RGS7: variants seen among roughly 807,000 people sequenced by gnomAD.
RGS7 encodes regulator of G protein signaling 7, also known as regulator of G-protein signaling 7.
Under a neutral mutation model 81.1 loss-of-function variants are expected in RGS7, and 27 were observed. That is an observed-to-expected ratio of 0.33 (90% CI 0.25 to 0.46). RGS7 has a LOEUF of 0.46. Ranked by LOEUF, RGS7 falls within the 20% of genes least tolerant of loss-of-function variation. The probability of loss-of-function intolerance (pLI) is 1.00; values close to 1 mark genes in which losing one functional copy is unlikely to be tolerated. For missense variants in RGS7, 396 were observed against 607.4 expected (o/e 0.65, Z 3.66); for synonymous variants, 208 against 207.7 (o/e 1.00, Z -0.01).
At chr1:241,268,621 A>G (rs2077717522) in intron 2 of RGS7, among the ~76,000 whole-genome samples, 4 of 152,198 alleles carry the variant, frequency 2.6e-5, no homozygotes, top group Admixed American at 2.0e-4. Context: ...TACGAGAGGG[A>G]AAGTGGGGAT....
chr1:240,930,626 T>C (rs1363123675), intron 6 of RGS7, 91 bp downstream of exon 6: 3 of 1,237,690 alleles, frequency 2.4e-6, no homozygotes, highest in Non-Finnish European at 3.6e-6. Flanking sequence ...TGTGGTTTCC[T>C]TTTCTTAATG....
chr1:241,307,889 T>G (rs2080273764), intron 2 of RGS7, among the ~76,000 whole-genome samples: 2 of 152,184 alleles, frequency 1.3e-5, no homozygotes, highest in African/African-American at 4.8e-5. Flanking sequence ...CAAAGTCACA[T>G]CGCCTCAGGG....
intron 6 of RGS7, among the ~76,000 whole-genome samples, chr1:240,930,108 C>T (rs1675150903): frequency 6.6e-6 from 1 of 152,048 alleles, no homozygotes; most frequent in Admixed American, 6.6e-5. Flanking sequence ...AAGATGAATA[C>T]TTACTAGGGG....
chr1:240,968,276 C>G (rs918512618), intron 4 of RGS7, among the ~76,000 whole-genome samples: 1 of 152,218 alleles, frequency 6.6e-6, no homozygotes, highest in Non-Finnish European at 1.5e-5. Flanking sequence ...CCTCTTCCTA[C>G]GGGCATTCAG....
chr1:240,889,047 C>T (rs899253067), intron 6 of RGS7, among the ~76,000 whole-genome samples: 19 of 152,152 alleles, frequency 1.2e-4, no homozygotes, highest in African/African-American at 4.6e-4. Flanking sequence ...CCTCCACCTC[C>T]CGGGTTCAAG....
intron 2 of RGS7, among the ~76,000 whole-genome samples, chr1:241,226,647 G>C (rs1198098957): frequency 1.3e-5 from 2 of 152,124 alleles, no homozygotes; most frequent in Non-Finnish European, 2.9e-5. Context: ...GTTAGAAGAA[G>C]AAATAGTACT....
At chr1:240,830,646 A>G (rs969908874) in intron 9 of RGS7, among the ~76,000 whole-genome samples, 4 of 152,340 alleles carry the variant, frequency 2.6e-5, no homozygotes, top group African/African-American at 9.6e-5. Context: ...CCTACCCTTC[A>G]AATAGGTTTC....
chr1:241,073,058 C>A (rs929623609), intron 3 of RGS7, among the ~76,000 whole-genome samples: 2 of 152,258 alleles, frequency 1.3e-5, no homozygotes, highest in Non-Finnish European at 1.5e-5. Context: ...GTGCTGAGTT[C>A]CATGGGGCAA....
At chr1:240,923,898 G>T (rs980466262) in intron 6 of RGS7, among the ~76,000 whole-genome samples, 1 of 152,098 alleles carries the variant, frequency 6.6e-6, no homozygotes, top group African/African-American at 2.4e-5. Flanking sequence ...GGATTATGCA[G>T]ATATTTAAGG....
At chr1:240,945,255 G>A (rs1465978661) in intron 4 of RGS7, among the ~76,000 whole-genome samples, 4 of 152,158 alleles carry the variant, frequency 2.6e-5, no homozygotes, top group Admixed American at 6.5e-5. Context: ...AGCCCAATAC[G>A]AAATATAAAA....
At chr1:240,896,501 T>C (rs1669116683) in intron 6 of RGS7, among the ~76,000 whole-genome samples, 3 of 152,248 alleles carry the variant, frequency 2.0e-5, no homozygotes, top group Admixed American at 6.5e-5. Flanking sequence ...TTTCTACCTA[T>C]GGCTAGCCAG....
intron 6 of RGS7, among the ~76,000 whole-genome samples, chr1:240,875,492 G>T (rs1040131778): frequency 6.6e-6 from 1 of 152,116 alleles, no homozygotes; most frequent in East Asian, 1.9e-4. Context: ...TGTAATGAAC[G>T]TGGAAGTTCA....
At chr1:241,077,441 G>A (rs1261829752) in intron 3 of RGS7, among the ~76,000 whole-genome samples, 1 of 152,174 alleles carries the variant, frequency 6.6e-6, no homozygotes, top group African/African-American at 2.4e-5. Flanking sequence ...GCATACTACT[G>A]TGGAATTCTG....
chr1:241,202,948 T>C (rs753025558), intron 2 of RGS7, among the ~76,000 whole-genome samples: 5 of 152,108 alleles, frequency 3.3e-5, no homozygotes, highest in Non-Finnish European at 7.4e-5. Flanking sequence ...GAGTCCCTCA[T>C]ATTGGGATAT....
chr1:241,129,966 G>C (rs151122237), intron 2 of RGS7, among the ~76,000 whole-genome samples: 1 of 152,162 alleles, frequency 6.6e-6, no homozygotes, highest in African/African-American at 2.4e-5. Context: ...ATGTAACTGA[G>C]TGTCTTCTGA....
intron 2 of RGS7, among the ~76,000 whole-genome samples, chr1:241,238,967 T>TCTCTC (rs1553295997): frequency 1.4e-4 from 2 of 14,024 alleles, no homozygotes; most frequent in Middle Eastern, 0.05. Flanking sequence ...CCTCTCTCTC[T>TCTCTC]TTTTTTTTTT....
intron 2 of RGS7, among the ~76,000 whole-genome samples, chr1:241,109,276 C>T (rs530070369): frequency 2.0e-5 from 3 of 152,234 alleles, no homozygotes; most frequent in South Asian, 2.1e-4. Context: ...TCCATCTGTG[C>T]CTGTGGAAAT....
intron 3 of RGS7, among the ~76,000 whole-genome samples, chr1:241,018,612 C>T (rs1475728947): frequency 6.6e-6 from 1 of 151,932 alleles, no homozygotes; most frequent in African/African-American, 2.4e-5. Flanking sequence ...TACATTGTTA[C>T]TATACTGGAG....
At chr1:241,217,043 A>G (rs1184985141) in intron 2 of RGS7, among the ~76,000 whole-genome samples, 2 of 152,186 alleles carry the variant, frequency 1.3e-5, no homozygotes, top group African/African-American at 2.4e-5. Context: ...CCACAAATTC[A>G]TATGTTGAAG....
Sources: gnomAD v4.1 joint callset for allele counts (sites outside exome capture counted in the v4.1 genomes callset) on GRCh38, gnomAD v4.1.1 for gene constraint, MANE v1.5 for transcripts, NCBI Gene and HGNC (gene_info 2026-07-23, HGNC 2026-07-21) for gene names.